THSD4: variants seen among roughly 807,000 people sequenced by gnomAD.
The protein encoded by THSD4 is thrombospondin type 1 domain containing 4, also known as thrombospondin type-1 domain-containing protein 4.
Under a neutral mutation model 119.0 loss-of-function variants are expected in THSD4, and 69 were observed. That is an observed-to-expected ratio of 0.58 (90% CI 0.48 to 0.71). THSD4 has a LOEUF of 0.71. Ranked by LOEUF, THSD4 falls within the 30% of genes least tolerant of loss-of-function variation. The pLI is 0.00. For missense variants in THSD4, 1,393 were observed against 1,391.1 expected (o/e 1.00, Z -0.02); for synonymous variants, 524 against 540.4 (o/e 0.97, Z 0.42).
rs11335522 is a variant in THSD4 at position 71,540,438 on chromosome 15, CTTT to C, written c.1153-120080_1153-120078del. ...GGCCTGAGCCACTGCACCTGGCCGC[CTTT>C]TTTTTTTTTTTAAACGAGTCTCTGT... On this transcript the variant is annotated intron_variant, in intron 7 of 17. Coordinates refer to ENST00000261862, the MANE Select transcript of THSD4 (RefSeq NM_024817.3). 8.7e-5 allele frequency among the ~76,000 whole-genome samples: 11 copies of C among 126,232 alleles called. 1 individual carries two copies. Among genetic ancestry groups the C allele is most frequent in the Non-Finnish European group, 1.3e-4 (8 of 60,814 alleles). The allele number at this position is 126,232 out of a possible 152,430, so 82.8% of individuals were successfully genotyped here.
intron 7 of THSD4, among the ~76,000 whole-genome samples, chr15:71,647,592 C>T (rs372967071): frequency 1.4e-4 from 22 of 152,164 alleles, no homozygotes; most frequent in Non-Finnish European, 2.5e-4. Context: ...AGCAAGCTCT[C>T]GGGTTGGGTA....
At chr15:71,771,835 G>A (rs1268367791) in intron 17 of THSD4, among the ~76,000 whole-genome samples, 1 of 152,210 alleles carries the variant, frequency 6.6e-6, no homozygotes, top group Non-Finnish European at 1.5e-5. Flanking sequence ...GAAAGCATTG[G>A]AGAGTGTTAG....
At chr15:71,566,148 CTTTTTTTCTT>C (rs2049233420) in intron 7 of THSD4, among the ~76,000 whole-genome samples, 1 of 45,328 alleles carries the variant, frequency 2.2e-5, no homozygotes, top group African/African-American at 6.0e-5. Flanking sequence ...TTTTCTTTTT[CTTTTTTTCTT>C]TTTTTTTTTT....
At chr15:71,563,322 T>C (rs1282147792) in intron 7 of THSD4, among the ~76,000 whole-genome samples, 1 of 152,106 alleles carries the variant, frequency 6.6e-6, no homozygotes, top group East Asian at 1.9e-4. Flanking sequence ...TCTCGGATAG[T>C]AAAGACTCTG....
chr15:71,519,278 T>C (rs1338942342), intron 7 of THSD4, among the ~76,000 whole-genome samples: 4 of 152,210 alleles, frequency 2.6e-5, no homozygotes, highest in South Asian at 2.1e-4. Flanking sequence ...GTCAGAGATA[T>C]AGACAGGCTT....
At chr15:71,263,852 C>A (rs1202417939) in intron 6 of THSD4, among the ~76,000 whole-genome samples, 1 of 152,242 alleles carries the variant, frequency 6.6e-6, no homozygotes, top group Non-Finnish European at 1.5e-5. Flanking sequence ...GTGGCTGGCC[C>A]TAGTGACTAG....
At chr15:71,732,068 T>C (rs2141136471) in intron 10 of THSD4, 1 of 152,360 alleles carries the variant, frequency 6.6e-6, no homozygotes. Flanking sequence ...TCTTCCTCTC[T>C]CTTTCCTTTA....
At chr15:71,153,376 C>T (rs927855075) in intron 2 of THSD4, among the ~76,000 whole-genome samples, 1 of 152,214 alleles carries the variant, frequency 6.6e-6, no homozygotes, top group African/African-American at 2.4e-5. Context: ...GACAGGGCAG[C>T]CCCTCTCTTT....
intron 5 of THSD4, among the ~76,000 whole-genome samples, chr15:71,246,307 G>A (rs2044200539): frequency 6.6e-6 from 1 of 152,110 alleles, no homozygotes; most frequent in Admixed American, 6.5e-5. Context: ...AGATAGGAAT[G>A]GAGTAAGATC....
chr15:71,587,418 A>G (rs985523243), intron 7 of THSD4, among the ~76,000 whole-genome samples: 32 of 116,692 alleles, frequency 2.7e-4, no homozygotes, highest in African/African-American at 8.4e-4. Context: ...TGTGGCACAT[A>G]TACACCATGG....
At chr15:71,766,538 G>A (rs77766737) in intron 16 of THSD4, among the ~76,000 whole-genome samples, 1 of 152,312 alleles carries the variant, frequency 6.6e-6, no homozygotes, top group East Asian at 1.9e-4. Flanking sequence ...CAGCCATTTG[G>A]CTGTGTAGCA....
chr15:71,314,015 T>C (rs2045151190), intron 6 of THSD4, among the ~76,000 whole-genome samples: 1 of 152,204 alleles, frequency 6.6e-6, no homozygotes, highest in Non-Finnish European at 1.5e-5. Flanking sequence ...GGAATTCTTC[T>C]GTCCAGAGGG....
At chr15:71,765,688 A>G (rs2053703577) in intron 16 of THSD4, among the ~76,000 whole-genome samples, 1 of 152,174 alleles carries the variant, frequency 6.6e-6, no homozygotes, top group Admixed American at 6.5e-5. Context: ...AGATCACTTG[A>G]GGCTAGGAGT....
chr15:71,308,722 G>A (rs553445556), intron 6 of THSD4, among the ~76,000 whole-genome samples: 36 of 152,190 alleles, frequency 2.4e-4, no homozygotes, highest in Non-Finnish European at 4.9e-4. Context: ...GAATATTCAC[G>A]TGCAAGTTAT....
chr15:71,189,982 G>A (rs2043655966), intron 3 of THSD4, among the ~76,000 whole-genome samples: 1 of 152,162 alleles, frequency 6.6e-6, no homozygotes, highest in Admixed American at 6.5e-5. Flanking sequence ...AAGGCTCCTG[G>A]ACTCTGCATG....
chr15:71,315,296 G>A (rs553399605), intron 6 of THSD4, among the ~76,000 whole-genome samples: 1 of 152,358 alleles, frequency 6.6e-6, no homozygotes, highest in African/African-American at 2.4e-5. Flanking sequence ...CAGCCAGTCT[G>A]TATCCTTCTT....
At chr15:71,714,666 G>A (rs1479781885) in intron 8 of THSD4, among the ~76,000 whole-genome samples, 2 of 152,022 alleles carry the variant, frequency 1.3e-5, no homozygotes, top group East Asian at 3.9e-4. Flanking sequence ...GACCAACATG[G>A]TGAAACCCTG....
intron 6 of THSD4, among the ~76,000 whole-genome samples, chr15:71,345,171 T>C (rs1297336103): frequency 7.1e-6 from 1 of 140,978 alleles, no homozygotes; most frequent in Non-Finnish European, 1.5e-5. Flanking sequence ...GGTATGTTTT[T>C]GTTCTGTTTC....
At chr15:71,154,065 C>A (rs1336044059) in intron 2 of THSD4, among the ~76,000 whole-genome samples, 1 of 152,194 alleles carries the variant, frequency 6.6e-6, no homozygotes, top group Non-Finnish European at 1.5e-5. Flanking sequence ...AACTTACTAA[C>A]CATGCCAGGT....
Sources: gnomAD v4.1 joint callset for allele counts (sites outside exome capture counted in the v4.1 genomes callset) on GRCh38, gnomAD v4.1.1 for gene constraint, MANE v1.5 for transcripts, NCBI Gene and HGNC (gene_info 2026-07-23, HGNC 2026-07-21) for gene names.